The following THADA variants were observed in gnomAD, a reference collection of about 807,000 sequenced individuals.
THADA encodes the protein tRNA (32-2'-O)-methyltransferase regulator THADA.
In THADA, 213 loss-of-function variants were observed where a neutral mutation model predicts 219.8. The observed-to-expected ratio is 0.97, with a 90% CI of 0.87 to 1.09. The LOEUF (loss-of-function observed/expected upper bound fraction) is 1.09, where lower values mean the gene tolerates loss of function less well. THADA is among the 50% of genes least tolerant of loss of function. The pLI is 0.00. For synonymous variants in THADA, 1,018 were observed against 828.9 expected, an observed-to-expected ratio of 1.23 and a Z score of -3.92; for missense variants, 2,956 against 2,311.3, an observed-to-expected ratio of 1.28 and a Z score of -5.72.
At chr2:43,305,454 C>T (rs1163895883) in intron 31 of THADA, among the ~76,000 whole-genome samples, 3 of 152,128 alleles carry the variant, frequency 2.0e-5, no homozygotes, top group Non-Finnish European at 4.4e-5. Flanking sequence ...TCTCTGAACC[C>T]CATCATCTCT....
chr2:43,576,958 G>A lies in THADA; in HGVS notation c.1037+64C>T, dbSNP rs1699918764. ...AGAGGCACAAGCCACTCCAGCTTTTGGACTGCATCTTCTAAATGTCTTACA... is the reference window on the plus strand; with the variant it reads ...AGAGGCACAAGCCACTCCAGCTTTTAGACTGCATCTTCTAAATGTCTTACA... On this transcript the variant is annotated intron_variant, in intron 10 of 37. Coordinates refer to ENST00000405975, the MANE Select transcript of THADA (RefSeq NM_022065.5). 4.9e-6 allele frequency: 7 copies of A among 1,437,946 alleles called. No individual in the cohort carries two copies. The Admixed American group carries it at 1.4e-4, about 28-fold the overall frequency. 89.1% of individuals were successfully genotyped at this position (1,437,946 alleles called of 1,614,324 possible). A position where few individuals can be genotyped will look rare whatever the true frequency, so the allele number is the denominator to read the frequency against.
chr2:43,476,263 A>G (rs1277267915), intron 26 of THADA, among the ~76,000 whole-genome samples: 1 of 152,214 alleles, frequency 6.6e-6, no homozygotes, highest in Non-Finnish European at 1.5e-5. Context: ...AAAAAGAAAC[A>G]GAAATGCACA....
intron 24 of THADA, among the ~76,000 whole-genome samples, chr2:43,502,403 G>A (rs1276003512): frequency 6.6e-6 from 1 of 152,026 alleles, no homozygotes; most frequent in East Asian, 1.9e-4. Flanking sequence ...TGGTCAACAT[G>A]GCAAAACCTC....
chr2:43,313,705 G>A (rs770716893), intron 31 of THADA, among the ~76,000 whole-genome samples: 1 of 152,196 alleles, frequency 6.6e-6, no homozygotes, highest in South Asian at 2.1e-4. Context: ...AGCCTGTGAC[G>A]TGGAAGCTCC....
intron 36 of THADA, among the ~76,000 whole-genome samples, chr2:43,234,883 G>T (rs1376737558): frequency 6.6e-6 from 1 of 152,114 alleles, no homozygotes; most frequent in Non-Finnish European, 1.5e-5. Flanking sequence ...ATGTTGGCCC[G>T]GCTGGTCTCA....
chr2:43,247,692 G>A (rs947803029), intron 36 of THADA, among the ~76,000 whole-genome samples: 6 of 120,800 alleles, frequency 5.0e-5, no homozygotes, highest in Admixed American at 1.1e-4. Context: ...TCGCGCCACC[G>A]CACTCCAGAC....
At chr2:43,234,236 C>G (rs79170518) in intron 36 of THADA, among the ~76,000 whole-genome samples, 1 of 152,194 alleles carries the variant, frequency 6.6e-6, no homozygotes, top group Non-Finnish European at 1.5e-5. Flanking sequence ...GATTTGGAGA[C>G]CCAGCATCAA....
intron 27 of THADA, among the ~76,000 whole-genome samples, chr2:43,428,521 C>G (rs886834036): frequency 3.3e-5 from 5 of 152,186 alleles, no homozygotes; most frequent in African/African-American, 1.2e-4. Flanking sequence ...GGGAGAATCA[C>G]TTGAACCTAG....
chr2:43,384,643 C>T (rs1672421131), intron 29 of THADA, among the ~76,000 whole-genome samples: 1 of 152,130 alleles, frequency 6.6e-6, no homozygotes, highest in African/African-American at 2.4e-5. Context: ...TTCTCTCAAT[C>T]TGATCAATGC....
intron 36 of THADA, among the ~76,000 whole-genome samples, chr2:43,270,605 G>C (rs1290265329): frequency 6.6e-6 from 1 of 152,172 alleles, no homozygotes; most frequent in African/African-American, 2.4e-5. Flanking sequence ...TCACCACAGG[G>C]GCCGGAGCTC....
At chr2:43,345,944 A>C (rs746448831) in intron 29 of THADA, among the ~76,000 whole-genome samples, 22 of 152,340 alleles carry the variant, frequency 1.4e-4, no homozygotes, top group South Asian at 4.1e-4. Context: ...ACTGTTTTTG[A>C]AACGCTTGGT....
chr2:43,589,041 T>C (rs1701284204), intron 4 of THADA, among the ~76,000 whole-genome samples: 1 of 152,160 alleles, frequency 6.6e-6, no homozygotes, highest in Non-Finnish European at 1.5e-5. Flanking sequence ...GAATGTAAAA[T>C]GTTGCATATG....
intron 36 of THADA, among the ~76,000 whole-genome samples, chr2:43,263,307 T>C (rs995130427): frequency 6.6e-6 from 1 of 152,142 alleles, no homozygotes; most frequent in Non-Finnish European, 1.5e-5. Context: ...TGCATGATAC[T>C]TTCTCCTTCA....
At position 43,356,779 on chromosome 2, in the gene THADA, A is replaced by G. The variant is rs141969425; in HGVS notation, c.4228-12542T>C. On this transcript the variant is annotated intron_variant, in intron 29 of 37. Coordinates refer to ENST00000405975, the MANE Select transcript of THADA (RefSeq NM_022065.5). The stretch of plus-strand genomic sequence containing the variant: ...AAAAATAAACATAAGTTGAAAGAAA[A>G]AATATTTTCCTTTCATTCTTAAATA... Among the ~76,000 whole-genome samples, 422 of 152,314 alleles carry G rather than the reference A, an allele frequency of 2.8e-3. 5 individuals are homozygous for G. The highest frequency in any genetic ancestry group is 9.8e-3 in the African/African-American group (406 of 41,552).
intron 31 of THADA, among the ~76,000 whole-genome samples, chr2:43,299,923 G>A (rs1333447201): frequency 2.6e-5 from 4 of 151,008 alleles, no homozygotes; most frequent in African/African-American, 9.7e-5. Context: ...AGCTACTCCG[G>A]AGGCTGAAGC....
intron 21 of THADA, among the ~76,000 whole-genome samples, chr2:43,530,336 T>C (rs1353199209): frequency 6.6e-6 from 1 of 152,182 alleles, no homozygotes; most frequent in Non-Finnish European, 1.5e-5. Context: ...TTTCAGAGCA[T>C]TGTTTGAACA....
chr2:43,353,020 AT>A (rs1243124378), intron 29 of THADA, among the ~76,000 whole-genome samples: 1 of 152,150 alleles, frequency 6.6e-6, no homozygotes, highest in African/African-American at 2.4e-5. Context: ...TGTCTGGCTT[AT>A]TTCTCTCAGC....
intron 36 of THADA, among the ~76,000 whole-genome samples, chr2:43,259,035 C>T (rs1255200826): frequency 6.6e-6 from 1 of 152,052 alleles, no homozygotes; most frequent in Non-Finnish European, 1.5e-5. Flanking sequence ...CAAAATGAAA[C>T]ACAGTCTGTA....
At chr2:43,280,945 C>T (rs1360722196) in intron 35 of THADA, among the ~76,000 whole-genome samples, 1 of 152,226 alleles carries the variant, frequency 6.6e-6, no homozygotes, top group African/African-American at 2.4e-5. Flanking sequence ...GTAACTGACA[C>T]AGAATTCATG....
Sources: allele counts gnomAD v4.1 joint callset (sites outside exome capture counted in the v4.1 genomes callset), GRCh38; gene constraint gnomAD v4.1.1; transcripts MANE v1.5; gene names NCBI Gene and HGNC (gene_info 2026-07-23, HGNC 2026-07-21).